The following ITGA8 variants were observed in gnomAD, a reference collection of about 807,000 sequenced individuals.
The protein encoded by ITGA8 is integrin subunit alpha 8.
ITGA8 carries 91 observed loss-of-function variants against 142.3 expected under a neutral mutation model. That is an observed-to-expected ratio of 0.64 (90% CI 0.54 to 0.76). ITGA8 has a LOEUF of 0.76. Ranked by LOEUF, ITGA8 falls within the 30% of genes least tolerant of loss-of-function variation. The pLI, the probability that ITGA8 is intolerant of heterozygous loss-of-function variation, is 0.00. For synonymous variants in ITGA8, 505 were observed against 485.2 expected, an observed-to-expected ratio of 1.04 and a Z score of -0.54; for missense variants, 1,406 against 1,327.7, an observed-to-expected ratio of 1.06 and a Z score of -0.92.
At chr10:15,577,094 AG>A (rs1474181783) in intron 23 of ITGA8, among the ~76,000 whole-genome samples, 2 of 152,098 alleles carry the variant, frequency 1.3e-5, no homozygotes, top group African/African-American at 4.8e-5. Context: ...TTGGCAACAG[AG>A]AGTTGAGTTC....
At chr10:15,668,967 C>T (rs773362634) in intron 8 of ITGA8, among the ~76,000 whole-genome samples, 1 of 152,178 alleles carries the variant, frequency 6.6e-6, no homozygotes, top group South Asian at 2.1e-4. Flanking sequence ...TCCTTCATTT[C>T]AACTTTGGTG....
chr10:15,632,251 G>A (rs1462995593), intron 13 of ITGA8, among the ~76,000 whole-genome samples: 5 of 150,586 alleles, frequency 3.3e-5, no homozygotes, highest in Admixed American at 6.6e-5. Context: ...TTTTTCAATA[G>A]GATTGCCTCT....
At chr10:15,626,651 A>G (rs1466323057) in intron 13 of ITGA8, among the ~76,000 whole-genome samples, 1 of 152,178 alleles carries the variant, frequency 6.6e-6, no homozygotes, top group Non-Finnish European at 1.5e-5. Flanking sequence ...CTGCTTCAGT[A>G]GGGTCTTTAA....
intron 13 of ITGA8, among the ~76,000 whole-genome samples, chr10:15,637,850 G>A (rs2131640142): frequency 6.6e-6 from 1 of 151,634 alleles, no homozygotes; most frequent in Admixed American, 6.6e-5. Context: ...AAAAAGAAGT[G>A]AGGTGTCATC....
At chr10:15,639,024 G>A (rs895399676) in intron 13 of ITGA8, among the ~76,000 whole-genome samples, 1 of 152,106 alleles carries the variant, frequency 6.6e-6, no homozygotes, top group African/African-American at 2.4e-5. Flanking sequence ...AGCCACTTAG[G>A]AGGCTGAGGT....
intron 28 of ITGA8, among the ~76,000 whole-genome samples, chr10:15,519,708 TGGCCTTCACTTGGGCTGGAAC>T: frequency 6.6e-6 from 1 of 152,162 alleles, no homozygotes; most frequent in Non-Finnish European, 1.5e-5. Context: ...TGGAAAGGAA[TGGCCTTCACTTGGGCTGGAAC>T]TTTTATGGGA....
chr10:15,650,964 C>A (rs1392849236), intron 11 of ITGA8, among the ~76,000 whole-genome samples: 1 of 152,124 alleles, frequency 6.6e-6, no homozygotes, highest in Non-Finnish European at 1.5e-5. Context: ...TATGAATGAA[C>A]ATACTTGGGC....
chr10:15,694,243 TA>T (rs1475694258), intron 2 of ITGA8, among the ~76,000 whole-genome samples: 3 of 130,370 alleles, frequency 2.3e-5, no homozygotes, highest in Admixed American at 8.2e-5. Context: ...TAATATATCA[TA>T]TATATGATAA....
chr10:15,561,616 G>T (rs553464514), intron 25 of ITGA8, among the ~76,000 whole-genome samples: 1 of 152,254 alleles, frequency 6.6e-6, no homozygotes, highest in South Asian at 2.1e-4. Context: ...AGAACCCAAG[G>T]AATGTCCAAG....
At chr10:15,717,197 A>C (rs1835470263) in intron 2 of ITGA8, among the ~76,000 whole-genome samples, 1 of 152,210 alleles carries the variant, frequency 6.6e-6, no homozygotes, top group Non-Finnish European at 1.5e-5. Flanking sequence ...ACTATACAAG[A>C]AGATTATTAA....
chr10:15,707,421 C>G (rs1835280030), intron 2 of ITGA8, among the ~76,000 whole-genome samples: 1 of 152,116 alleles, frequency 6.6e-6, no homozygotes. Context: ...CTGGAAAAGG[C>G]AAGGAAATAA....
chr10:15,597,231 C>T lies in ITGA8; in HGVS notation c.2187G>A (p.Gly729=), dbSNP rs1477108683. ...CATTTGTTCCAGACACCATAGGGTT[C>T]CCAAGGTCACACACCACCATCCTGG... ...NVTRMVVCDL[G]NPMVSGTNYS... is the part of the protein sequence containing the mutation. Residue 729 remains glycine, a synonymous_variant, in exon 21 of 30, where the codon GGG becomes GGA. Transcript: ENST00000378076. 1 of 1,613,910 alleles carries T rather than the reference C, an allele frequency of 6.2e-7. No individual in the cohort carries two copies. The highest frequency in any genetic ancestry group is 1.7e-5 in the Admixed American group (1 of 60,008).
intron 2 of ITGA8, among the ~76,000 whole-genome samples, chr10:15,702,680 G>A (rs1281344636): frequency 6.6e-6 from 1 of 152,144 alleles, no homozygotes; most frequent in Non-Finnish European, 1.5e-5. Context: ...GTTCCCTGTT[G>A]AGTCTCATTC....
Position 15,718,904 on chromosome 10 carries a change from A to C in ITGA8, c.210-5T>G, listed in dbSNP as rs765411161. The stretch of plus-strand genomic sequence containing the variant: ...GCCCCCACCAAGACACTCGCTCTGC[A>C]AAAGAGTTGGAGAAAGTCACTCTTT... On this transcript the variant is annotated splice_region_variant and splice_polypyrimidine_tract_variant and intron_variant, in intron 1 of 29. Coordinates refer to ENST00000378076, the MANE Select transcript of ITGA8 (RefSeq NM_003638.3). The C allele has an allele frequency of 1.2e-6, 2 of 1,613,990 alleles. No individual in the cohort carries two copies. Among genetic ancestry groups the C allele is most frequent in the Non-Finnish European group, 1.7e-6 (2 of 1,179,998 alleles).
intron 26 of ITGA8, among the ~76,000 whole-genome samples, chr10:15,549,210 T>TTTTTATTTTTTA (rs1833744601): frequency 2.5e-4 from 5 of 19,768 alleles, no homozygotes; most frequent in African/African-American, 4.4e-4. Flanking sequence ...TGTTTTTTTT[T>TTTTTATTTTTTA]TTTTTTTTTT....
chr10:15,678,902 A>G (rs903848696), intron 4 of ITGA8, 119 bp from the exon 5 acceptor site: 2 of 539,610 alleles, frequency 3.7e-6, no homozygotes, highest in Admixed American at 7.4e-5. Context: ...AATGATCAAT[A>G]TGTGTTTTAT....
chr10:15,718,987 A>C lies in ITGA8; in HGVS notation c.210-88T>G, dbSNP rs1835506534. The C allele has an allele frequency of 5.7e-6, 9 of 1,575,334 alleles. No individual in the cohort carries two copies. The Admixed American group carries it at 1.5e-4, about 27-fold the overall frequency. On this transcript the variant is annotated intron_variant, in intron 1 of 29. Coordinates refer to ENST00000378076, the MANE Select transcript of ITGA8 (RefSeq NM_003638.3). ...TCTCTGTAACCTCCTGCCCGGGGACACTGGGGCAGGCGTGGAGGGCATGAA... is the reference window on the plus strand; with the variant it reads ...TCTCTGTAACCTCCTGCCCGGGGACCCTGGGGCAGGCGTGGAGGGCATGAA...
chr10:15,647,496 C>A (rs45468992), intron 11 of ITGA8, among the ~76,000 whole-genome samples: 1 of 138,244 alleles, frequency 7.2e-6, no homozygotes, highest in Admixed American at 7.7e-5. Context: ...CGCTCTGTCG[C>A]CCAGGCCGGA....
intron 27 of ITGA8, among the ~76,000 whole-genome samples, chr10:15,534,978 C>CG: frequency 6.6e-6 from 1 of 152,144 alleles, no homozygotes; most frequent in Admixed American, 6.5e-5. Context: ...GGGAGAGGCA[C>CG]GGGGGGAGAG....
Sources: allele counts gnomAD v4.1 joint callset (sites outside exome capture counted in the v4.1 genomes callset), GRCh38; gene constraint gnomAD v4.1.1; transcripts MANE v1.5; gene names NCBI Gene and HGNC (gene_info 2026-07-23, HGNC 2026-07-21).